Variants in C2CD5 observed in about 807,000 individuals in gnomAD.
The protein encoded by C2CD5 is C2 calcium dependent domain containing 5, also known as C2 domain-containing protein 5.
A neutral mutation model predicts 130.3 loss-of-function variants in C2CD5; 109 were observed. That is an observed-to-expected ratio of 0.84 (90% CI 0.72 to 0.98). The LOEUF (loss-of-function observed/expected upper bound fraction) is 0.98. C2CD5 is among the 50% of genes least tolerant of loss of function. The pLI, the probability that C2CD5 is intolerant of heterozygous loss-of-function variation, is 0.00. For missense variants in C2CD5, 996 were observed against 1,261.8 expected (o/e 0.79, Z 3.19); for synonymous variants, 454 against 429.2 (o/e 1.06, Z -0.71).
chr12:22,524,254 T>C (rs1591981795), intron 6 of C2CD5, among the ~76,000 whole-genome samples: 1 of 152,178 alleles, frequency 6.6e-6, no homozygotes, highest in Non-Finnish European at 1.5e-5. Context: ...CACTACCTCA[T>C]CAACACAATT....
Position 22,514,652 on chromosome 12 carries a change from G to A in C2CD5, c.953-1273C>T, listed in dbSNP as rs1050408970. Among the ~76,000 whole-genome samples, 21 of 152,190 alleles carry A rather than the reference G, an allele frequency of 1.4e-4. No homozygotes were observed. The East Asian group carries it at 4.1e-3, about 29-fold the overall frequency. ...CAACATGATGACACAGGTCCAATGT[G>A]AATGGAGTTGGTATGAAGGGAAAGA... On this transcript the variant is annotated intron_variant, in intron 8 of 26. Coordinates refer to ENST00000446597, the MANE Select transcript of C2CD5 (RefSeq NM_001286176.2).
At chr12:22,481,446 G>A (rs1257618442) in intron 14 of C2CD5, among the ~76,000 whole-genome samples, 1 of 152,042 alleles carries the variant, frequency 6.6e-6, no homozygotes, top group East Asian at 1.9e-4. Context: ...TTCCATAAAC[G>A]TGGTTCATCA....
intron 7 of C2CD5, chr12:22,519,142 C>A (rs762458234): frequency 1.3e-6 from 2 of 1,535,988 alleles, no homozygotes; most frequent in Non-Finnish European, 1.7e-6. Flanking sequence ...GGAACAGACA[C>A]AGAGAAGTTC....
chr12:22,540,685 C>T (rs1470836059), intron 2 of C2CD5, among the ~76,000 whole-genome samples: 1 of 152,114 alleles, frequency 6.6e-6, no homozygotes, highest in African/African-American at 2.4e-5. Flanking sequence ...ATGGCGAAAC[C>T]CCGTCGCTAC....
chr12:22,460,977 T>C (rs1254935624), intron 22 of C2CD5, among the ~76,000 whole-genome samples: 2 of 152,186 alleles, frequency 1.3e-5, no homozygotes, highest in Admixed American at 6.5e-5. Flanking sequence ...GAATGGCCTA[T>C]GAGGATACCA....
intron 10 of C2CD5, chr12:22,502,790 T>C (rs1947963284): frequency 2.0e-6 from 3 of 1,531,016 alleles, no homozygotes; most frequent in Non-Finnish European, 8.8e-7. Context: ...GTGTTACCCA[T>C]AATTCCGACA....
At chr12:22,496,018 A>G (rs1591839916) in intron 10 of C2CD5, among the ~76,000 whole-genome samples, 1 of 152,180 alleles carries the variant, frequency 6.6e-6, no homozygotes, top group Admixed American at 6.5e-5. Context: ...ACTGGTAATT[A>G]TATTAACAAT....
chr12:22,544,246 G>T, intron 1 of C2CD5, 67 bp from the exon 2 acceptor site: 1 of 1,272,490 alleles, frequency 7.9e-7, no homozygotes. Flanking sequence ...GAGGCGCGCG[G>T]GGTAACTGAC....
intron 8 of C2CD5, chr12:22,514,875 A>G (rs1949557566): frequency 2.0e-6 from 1 of 488,252 alleles, no homozygotes. Context: ...AAAATAATAG[A>G]AAGGCATCTT....
chr12:22,502,522 T>A (rs1430550261), intron 10 of C2CD5, among the ~76,000 whole-genome samples: 2 of 152,200 alleles, frequency 1.3e-5, no homozygotes, highest in Non-Finnish European at 2.9e-5. Flanking sequence ...TGATAATTTA[T>A]GGTATTTCTA....
chr12:22,520,409 A>G (rs575077381), intron 7 of C2CD5, among the ~76,000 whole-genome samples: 1 of 152,278 alleles, frequency 6.6e-6, no homozygotes, highest in Admixed American at 6.5e-5. Flanking sequence ...AACTGATCAT[A>G]ATAGTCCTTC....
intron 2 of C2CD5, among the ~76,000 whole-genome samples, 183 bp downstream of exon 2, chr12:22,543,878 A>G (rs1469431536): frequency 6.6e-6 from 1 of 152,056 alleles, no homozygotes; most frequent in Non-Finnish European, 1.5e-5. Context: ...GACGCCTGCA[A>G]GCCGTGCACC....
chr12:22,476,420 A>C (rs763537904), intron 15 of C2CD5, among the ~76,000 whole-genome samples: 10 of 152,162 alleles, frequency 6.6e-5, no homozygotes, highest in Non-Finnish European at 1.2e-4. Context: ...GAAGATGCAT[A>C]AACTGATGAG....
chr12:22,534,456 A>G (rs780306787), intron 3 of C2CD5, among the ~76,000 whole-genome samples: 1 of 152,222 alleles, frequency 6.6e-6, no homozygotes, highest in Non-Finnish European at 1.5e-5. Context: ...TGAATGAGTG[A>G]AAATATTTGC....
At position 22,471,379 on chromosome 12, in the gene C2CD5, A is replaced by C. The variant is rs369902169; in HGVS notation, c.2358+20T>G. ...AAAACAGATCAGATAAAGACTAATA[A>C]TGGACTAAATCTTAATTACCTGAAT... On this transcript the variant is annotated intron_variant, in intron 20 of 26. Transcript: ENST00000446597. 2 of 1,240,510 alleles carry C rather than the reference A, an allele frequency of 1.6e-6. No homozygotes were observed. Among genetic ancestry groups the C allele is most frequent in the African/African-American group, 1.5e-5 (1 of 67,076 alleles). 76.8% of individuals were successfully genotyped at this position (1,240,510 alleles called of 1,614,324 possible). A position where few individuals can be genotyped will look rare whatever the true frequency, so the allele number is the denominator to read the frequency against.
At chr12:22,452,373 G>A (rs184643081) in intron 26 of C2CD5, among the ~76,000 whole-genome samples, 195 of 151,922 alleles carry the variant, frequency 1.3e-3, no homozygotes, top group African/African-American at 4.5e-3. Flanking sequence ...TTTCCCTCCC[G>A]CCTTTCTCAC....
chr12:22,481,018 T>A (rs1944630811), intron 14 of C2CD5, among the ~76,000 whole-genome samples: 1 of 152,120 alleles, frequency 6.6e-6, no homozygotes, highest in South Asian at 2.1e-4. Flanking sequence ...TTGCCCAGAC[T>A]GGTCTCAGAC....
intron 25 of C2CD5, among the ~76,000 whole-genome samples, chr12:22,456,347 C>G (rs910430797): frequency 6.6e-5 from 10 of 152,076 alleles, no homozygotes; most frequent in Non-Finnish European, 1.2e-4. Flanking sequence ...TATGACACAA[C>G]GTAATTTTTT....
chr12:22,473,500 C>T (rs1943370037), intron 16 of C2CD5, among the ~76,000 whole-genome samples: 1 of 152,184 alleles, frequency 6.6e-6, no homozygotes, highest in Admixed American at 6.6e-5. Flanking sequence ...CTCGAGCATT[C>T]TCCAACTACA....
Sources: allele counts gnomAD v4.1 joint callset (sites outside exome capture counted in the v4.1 genomes callset), GRCh38; gene constraint gnomAD v4.1.1; transcripts MANE v1.5; gene names NCBI Gene and HGNC (gene_info 2026-07-23, HGNC 2026-07-21).